NCAPD3: variants seen among roughly 807,000 people sequenced by gnomAD.
NCAPD3 encodes the protein non-SMC condensin II complex subunit D3, also known as condensin-2 complex subunit D3.
Under a neutral mutation model 182.9 loss-of-function variants are expected in NCAPD3, and 105 were observed. The ratio of observed to expected loss-of-function variants is 0.57; its 90% CI spans 0.49 to 0.68. The LOEUF (loss-of-function observed/expected upper bound fraction) is 0.68. Among genes scored for constraint, NCAPD3 ranks in the 30% least tolerant of loss-of-function variants. The pLI, the probability that NCAPD3 is intolerant of heterozygous loss-of-function variation, is 0.00. For missense variants in NCAPD3, 1,944 were observed against 1,837.0 expected (o/e 1.06, Z -1.07); for synonymous variants, 815 against 679.9 (o/e 1.20, Z -3.09).
In NCAPD3 at chr11:134,177,315, C is replaced by T. The variant is rs1298585150; in HGVS notation, c.2925G>A (p.Met975Ile). The change falls in exon 23 of 35, where the codon ATG becomes ATA. Residue 975 changes from methionine to isoleucine, a missense_variant. Coordinates refer to ENST00000534548, the MANE Select transcript of NCAPD3 (RefSeq NM_015261.3). ...MCDLCIRYTIMVDKYIPNISM... is the reference protein window; with the variant it reads ...MCDLCIRYTIIVDKYIPNISM... ...AGATGTTGGGAATATACTTGTCCAC[C>T]ATGATGGTGTAGCGAATGCAGAGAT... 1 of 1,614,214 alleles carries T rather than the reference C, an allele frequency of 6.2e-7. No individual in the cohort carries two copies.
intron 20 of NCAPD3, among the ~76,000 whole-genome samples, chr11:134,179,396 GAAT>G (rs1487207958): frequency 6.6e-6 from 1 of 152,158 alleles, no homozygotes; most frequent in African/African-American, 2.4e-5. Flanking sequence ...TGATTACTTT[GAAT>G]ATTAGGCATC....
intron 32 of NCAPD3, among the ~76,000 whole-genome samples, chr11:134,155,323 G>A (rs960743646): frequency 9.2e-5 from 14 of 152,094 alleles, no homozygotes. Flanking sequence ...AAAAGAATCT[G>A]GACGTATAAA....
intron 32 of NCAPD3, among the ~76,000 whole-genome samples, chr11:134,156,164 C>T (rs1426242138): frequency 1.3e-5 from 2 of 152,186 alleles, no homozygotes; most frequent in African/African-American, 4.8e-5. Context: ...CTGGGCTCAG[C>T]GCCCAGCTCT....
intron 27 of NCAPD3, among the ~76,000 whole-genome samples, chr11:134,164,006 A>C (rs1943677817): frequency 6.6e-6 from 1 of 152,188 alleles, no homozygotes; most frequent in African/African-American, 2.4e-5. Flanking sequence ...AGCTTAAATA[A>C]GGTCAGAACT....
Position 134,168,479 on chromosome 11 carries a change from A to G in NCAPD3, c.3363T>C (p.Leu1121=), listed in dbSNP as rs750359173. ...ACACACTGGGCTTACCCAAAATACT[A>G]AGGCAGATTTTGGAAGTGATGTTGA... ...QRFNITSKIC[L]SILACFADGI... The change falls in exon 26 of 35, where the codon CTT becomes CTC. Residue 1121 remains leucine, a synonymous_variant. Transcript: ENST00000534548. The G allele has an allele frequency of 6.8e-6, 11 of 1,614,154 alleles. No individual in the cohort carries two copies. Among genetic ancestry groups the G allele is most frequent in the Non-Finnish European group, 9.3e-6 (11 of 1,180,016 alleles).
intron 19 of NCAPD3, chr11:134,182,928 G>A (rs1944327935): frequency 3.2e-6 from 1 of 308,922 alleles, no homozygotes; most frequent in African/African-American, 2.2e-5. Flanking sequence ...ACCACCAAGT[G>A]AGGTTGTGTC....
intron 16 of NCAPD3, 143 bp from the exon 17 acceptor site, chr11:134,185,669 T>C (rs2135986863): frequency 1.8e-6 from 1 of 551,306 alleles, no homozygotes; most frequent in Non-Finnish European, 3.0e-6. Flanking sequence ...ACGTTCCTAA[T>C]TAGTGGCGTG....
Position 134,204,627 on chromosome 11 carries a change from C to T in NCAPD3, c.1089+272G>A, listed in dbSNP as rs1262944710. 6.6e-6 allele frequency among the ~76,000 whole-genome samples: 1 copy of T among 152,292 alleles called. No homozygotes were observed. Among genetic ancestry groups the T allele is most frequent in the South Asian group, 2.1e-4 (1 of 4,826 alleles). On this transcript the variant is annotated intron_variant, in intron 9 of 34. Transcript: ENST00000534548. The surrounding 1 kb of genome is among the most constrained non-coding windows in gnomAD (Gnocchi z 4.3). Reference sequence around the variant, plus strand: ...TTAAGTGACACAAAACTGTGGAACTCGGTGATGGGTATGTGGTGGTTCACC... The same window carrying T: ...TTAAGTGACACAAAACTGTGGAACTTGGTGATGGGTATGTGGTGGTTCACC...
chr11:134,170,075 T>C (rs183891716), intron 24 of NCAPD3, among the ~76,000 whole-genome samples: 2 of 152,280 alleles, frequency 1.3e-5, no homozygotes, highest in Admixed American at 1.3e-4. Flanking sequence ...TCAAATCAGT[T>C]TGTGTTCACA....
chr11:134,165,393 G>A (rs1943744826), intron 27 of NCAPD3, among the ~76,000 whole-genome samples: 1 of 148,988 alleles, frequency 6.7e-6, no homozygotes, highest in Non-Finnish European at 1.5e-5. Context: ...TCGGGGAAGG[G>A]GCACACTTCT....
At chr11:134,179,053 CT>C in intron 20 of NCAPD3, 117 bp from the exon 21 acceptor site, 1 of 698,600 alleles carries the variant, frequency 1.4e-6, no homozygotes, top group East Asian at 2.7e-5. Flanking sequence ...AACAATGTTA[CT>C]AGTTTTCGTT....
intron 3 of NCAPD3, among the ~76,000 whole-genome samples, chr11:134,211,201 T>C (rs756905748): frequency 1.3e-5 from 2 of 152,206 alleles, no homozygotes; most frequent in Non-Finnish European, 1.5e-5. Context: ...AAACCCGATA[T>C]AGCATAAAGG....
At chr11:134,159,317 A>G (rs1943514023) in intron 29 of NCAPD3, among the ~76,000 whole-genome samples, 1 of 152,178 alleles carries the variant, frequency 6.6e-6, no homozygotes, top group Non-Finnish European at 1.5e-5. Flanking sequence ...TTAACACTTT[A>G]TTGGAATAGA....
chr11:134,207,753 A>C (rs1250732329), intron 7 of NCAPD3, among the ~76,000 whole-genome samples: 3 of 151,530 alleles, frequency 2.0e-5, no homozygotes, highest in African/African-American at 4.8e-5. Flanking sequence ...AAAAAAAAAA[A>C]AAAAAAAAAA....
intron 19 of NCAPD3, chr11:134,183,039 A>C (rs1944329813): frequency 6.6e-6 from 3 of 452,406 alleles, no homozygotes; most frequent in Non-Finnish European, 1.3e-5. Flanking sequence ...CCTTCCTCAT[A>C]GGCTCTCATG....
At chr11:134,207,762 A>C (rs1937668849) in intron 7 of NCAPD3, among the ~76,000 whole-genome samples, 1 of 151,730 alleles carries the variant, frequency 6.6e-6, no homozygotes, top group South Asian at 2.1e-4. Flanking sequence ...AAAAAAAAAA[A>C]AAAAACCATC....
chr11:134,209,713 T>C (rs2136019643), intron 4 of NCAPD3: 3 of 426,656 alleles, frequency 7.0e-6, no homozygotes, highest in East Asian at 8.0e-5. Context: ...GAATCCTTTT[T>C]TTCAGAATTT....
At chr11:134,205,061 A>G in intron 8 of NCAPD3, 90 bp from the exon 9 acceptor site, 8 of 935,018 alleles carry the variant, frequency 8.6e-6, no homozygotes, top group Non-Finnish European at 1.4e-5. Flanking sequence ...AATCCTAGTT[A>G]TTAAAACACT....
In NCAPD3 at chr11:134,210,260, T is replaced by TA. The variant is rs1188091373; in HGVS notation, c.567+9dup. 1 of 1,607,414 alleles carries TA rather than the reference T, an allele frequency of 6.2e-7. No homozygotes were observed. The highest frequency in any genetic ancestry group is 1.3e-5 in the African/African-American group (1 of 74,280). On this transcript the variant is annotated intron_variant, in intron 4 of 34. Transcript: ENST00000534548. Reference sequence around the variant, plus strand: ...TGGTATATATGTTTTATACTCAACTTACTTCTTACCTCAATATCTTCTCTC... The same window carrying TA: ...TGGTATATATGTTTTATACTCAACTTAACTTCTTACCTCAATATCTTCTCTC...
Sources: allele counts gnomAD v4.1 joint callset (sites outside exome capture counted in the v4.1 genomes callset), GRCh38; gene constraint gnomAD v4.1.1; non-coding constraint Gnocchi (gnomAD v3.1); transcripts MANE v1.5; gene names NCBI Gene and HGNC (gene_info 2026-07-23, HGNC 2026-07-21).